SLC20A2: variants seen among roughly 807,000 people sequenced by gnomAD.
SLC20A2 encodes sodium-dependent phosphate transporter 2.
In SLC20A2, 30 loss-of-function variants were observed where a neutral mutation model predicts 61.0. The observed-to-expected ratio is 0.49, with a 90% CI of 0.37 to 0.67. The LOEUF (loss-of-function observed/expected upper bound fraction) is 0.67, where lower values mean the gene tolerates loss of function less well. Among genes scored for constraint, SLC20A2 ranks in the 30% least tolerant of loss-of-function variants. The pLI, the probability that SLC20A2 is intolerant of heterozygous loss-of-function variation, is 0.00. For missense variants in SLC20A2, 626 were observed against 866.4 expected (o/e 0.72, Z 3.48); for synonymous variants, 351 against 353.3 (o/e 0.99, Z 0.07).
In SLC20A2 at chr8:42,450,319, C is replaced by T. The variant is rs186607629; in HGVS notation, c.614-5557G>A. 4.4e-3 allele frequency among the ~76,000 whole-genome samples: 662 copies of T among 151,964 alleles called. 4 individuals are homozygous for T. The highest frequency in any genetic ancestry group is 5.8e-3 in the Non-Finnish European group (395 of 67,970). ...CTTGGCTCATTGCAACCTCTACCTC[C>T]CAGGTTCAAGCGATTCTCCTGCCTC... On this transcript the variant is annotated intron_variant, in intron 5 of 10. Transcript: ENST00000520262.
chr8:42,473,017 G>A (rs1807771887), intron 1 of SLC20A2, among the ~76,000 whole-genome samples: 1 of 152,212 alleles, frequency 6.6e-6, no homozygotes, highest in Non-Finnish European at 1.5e-5. Flanking sequence ...TAGTTGCATG[G>A]CTTTTCAAAT....
At chr8:42,434,870 GTGCGTGAGTCCA>G (rs1216749298) in intron 8 of SLC20A2, among the ~76,000 whole-genome samples, 2 of 152,248 alleles carry the variant, frequency 1.3e-5, no homozygotes, top group African/African-American at 4.8e-5. Flanking sequence ...GTGTGTGAAT[GTGCGTGAGTCCA>G]TGTGTGAGTG....
intron 8 of SLC20A2, among the ~76,000 whole-genome samples, chr8:42,435,533 A>G (rs1804181929): frequency 6.6e-6 from 1 of 152,168 alleles, no homozygotes; most frequent in African/African-American, 2.4e-5. Flanking sequence ...TAGGGGTTAC[A>G]CAGCTGTAAG....
chr8:42,485,687 C>G (rs1219039306), intron 1 of SLC20A2, among the ~76,000 whole-genome samples: 2 of 148,598 alleles, frequency 1.3e-5, no homozygotes, highest in Admixed American at 6.8e-5. Flanking sequence ...GTGGCTCACA[C>G]CTGTAATCCC....
chr8:42,449,512 TCAC>T (rs750020405), intron 5 of SLC20A2, among the ~76,000 whole-genome samples: 2 of 152,236 alleles, frequency 1.3e-5, no homozygotes, highest in Non-Finnish European at 2.9e-5. Context: ...TTCTTGTTTT[TCAC>T]ATCTAACACT....
At chr8:42,514,246 G>C (rs927586268) in intron 1 of SLC20A2, among the ~76,000 whole-genome samples, 2 of 152,136 alleles carry the variant, frequency 1.3e-5, no homozygotes, top group African/African-American at 4.8e-5. Context: ...CCACTCCTGT[G>C]GGCAACAGGG....
intron 5 of SLC20A2, among the ~76,000 whole-genome samples, chr8:42,450,314 A>T (rs1265134566): frequency 6.7e-6 from 1 of 150,166 alleles, no homozygotes; most frequent in African/African-American, 2.5e-5. Flanking sequence ...TGCAACCTCT[A>T]CCTCCCAGGT....
chr8:42,474,582 G>A (rs1807907918), intron 1 of SLC20A2, among the ~76,000 whole-genome samples: 1 of 152,080 alleles, frequency 6.6e-6, no homozygotes, highest in South Asian at 2.1e-4. Flanking sequence ...TTTAAAAATT[G>A]GGGGCCAGTA....
chr8:42,481,209 T>C (rs1346566639), intron 1 of SLC20A2, among the ~76,000 whole-genome samples: 1 of 152,198 alleles, frequency 6.6e-6, no homozygotes, highest in Non-Finnish European at 1.5e-5. Context: ...TAGAAGATCA[T>C]AGAACATTAG....
Position 42,472,007 on chromosome 8 carries a change from A to G in SLC20A2, c.289+95T>C, listed in dbSNP as rs374366801. ...ACATCCAACCAGTTTTTGAAAAGCC[A>G]AAGCAAAAATCACATTTATGGATAT... On this transcript the variant is annotated intron_variant, in intron 2 of 10. Transcript: ENST00000520262. The surrounding 1 kb of genome is among the most constrained non-coding windows in gnomAD (Gnocchi z 4.1). The G allele has an allele frequency of 5.9e-6, 7 of 1,181,766 alleles. No homozygotes were observed. In the East Asian group the frequency reaches 9.5e-5, roughly 16 times the overall value. 73.2% of individuals were successfully genotyped at this position (1,181,766 alleles called of 1,614,324 possible). A position where few individuals can be genotyped will look rare whatever the true frequency, so the allele number is the denominator to read the frequency against.
intron 5 of SLC20A2, among the ~76,000 whole-genome samples, chr8:42,445,955 G>A (rs1467583410): frequency 6.6e-6 from 1 of 152,048 alleles, no homozygotes; most frequent in Non-Finnish European, 1.5e-5. Flanking sequence ...AGAAATAAAA[G>A]GATTTTTGTT....
chr8:42,433,306 T>C (rs1804002248), intron 8 of SLC20A2, among the ~76,000 whole-genome samples: 3 of 152,158 alleles, frequency 2.0e-5, no homozygotes, highest in South Asian at 4.1e-4. Context: ...AGACAGCTCA[T>C]AGAAGTGGAA....
At chr8:42,530,940 G>T (rs1968669) in intron 1 of SLC20A2, among the ~76,000 whole-genome samples, 3 of 152,064 alleles carry the variant, frequency 2.0e-5, no homozygotes, top group African/African-American at 7.2e-5. Context: ...GGCTGGTCTC[G>T]AACTCCTGAC....
chr8:42,433,769 C>T (rs1045703406), intron 8 of SLC20A2, among the ~76,000 whole-genome samples: 1 of 152,238 alleles, frequency 6.6e-6, no homozygotes, highest in Admixed American at 6.5e-5. Context: ...CAGTGGACAT[C>T]TGGGTTGTTC....
At chr8:42,528,627 C>T (rs1455651465) in intron 1 of SLC20A2, among the ~76,000 whole-genome samples, 1 of 152,014 alleles carries the variant, frequency 6.6e-6, no homozygotes, top group African/African-American at 2.4e-5. Context: ...TCTGCACGAT[C>T]TTGGGTAATT....
chr8:42,531,309 T>C (rs1812304374), intron 1 of SLC20A2, among the ~76,000 whole-genome samples: 1 of 152,134 alleles, frequency 6.6e-6, no homozygotes, highest in Admixed American at 6.5e-5. Flanking sequence ...TCTTAGCCAT[T>C]CTTTTAGCTC....
intron 2 of SLC20A2, chr8:42,471,012 C>A: frequency 3.2e-4 from 97 of 306,452 alleles, no homozygotes; most frequent in East Asian, 5.7e-4. Flanking sequence ...ATGTAAGTGA[C>A]AAAATAAAGA....
At chr8:42,435,910 A>G (rs1804213725) in intron 8 of SLC20A2, among the ~76,000 whole-genome samples, 1 of 152,000 alleles carries the variant, frequency 6.6e-6, no homozygotes, top group Admixed American at 6.6e-5. Flanking sequence ...TGAGGTCAGG[A>G]GTTTGAGACC....
chr8:42,453,764 G>A (rs1805919958), intron 5 of SLC20A2, among the ~76,000 whole-genome samples: 1 of 152,122 alleles, frequency 6.6e-6, no homozygotes, highest in Non-Finnish European at 1.5e-5. Flanking sequence ...TTCTCCTCTA[G>A]GCAAGCCCCT....
Sources: allele counts gnomAD v4.1 joint callset (sites outside exome capture counted in the v4.1 genomes callset), GRCh38; gene constraint gnomAD v4.1.1; non-coding constraint Gnocchi (gnomAD v3.1); transcripts MANE v1.5; gene names NCBI Gene and HGNC (gene_info 2026-07-23, HGNC 2026-07-21).